PIWIL4: variants seen among roughly 807,000 people sequenced by gnomAD.
PIWIL4 encodes the protein piwi like RNA-mediated gene silencing 4.
Under a neutral mutation model 100.9 loss-of-function variants are expected in PIWIL4, and 50 were observed. That is an observed-to-expected ratio of 0.50 (90% confidence interval 0.39 to 0.63). PIWIL4 has a LOEUF of 0.63. Among genes scored for constraint, PIWIL4 ranks in the 20% least tolerant of loss-of-function variants. The pLI is 0.00. For synonymous variants in PIWIL4, 342 were observed against 367.5 expected (o/e 0.93, Z 0.79); for missense variants, 887 against 1,043.3 (o/e 0.85, Z 2.06).
intron 15 of PIWIL4, among the ~76,000 whole-genome samples, chr11:94,614,451 G>T (rs1948823396): frequency 6.6e-6 from 1 of 151,876 alleles, no homozygotes; most frequent in African/African-American, 2.4e-5. Context: ...GGCATTACAG[G>T]TGCCTGCCAC....
intron 11 of PIWIL4, 99 bp from the exon 12 acceptor site, chr11:94,601,696 A>C: frequency 8.7e-7 from 1 of 1,146,310 alleles, no homozygotes; most frequent in Non-Finnish European, 1.3e-6. Context: ...AAACTGTGTT[A>C]AACAGTTATA....
intron 3 of PIWIL4, among the ~76,000 whole-genome samples, chr11:94,577,054 C>G (rs1948247158): frequency 6.6e-6 from 1 of 152,184 alleles, no homozygotes; most frequent in African/African-American, 2.4e-5. Flanking sequence ...ATGTCAGTGT[C>G]TGCTCGTATG....
chr11:94,587,080 T>C lies in PIWIL4; in HGVS notation c.747T>C (p.Ser249=). ...KLSLWPGFAI[S]VSYFERKLLF... The stretch of plus-strand genomic sequence containing the variant: ...CCCTTTGGCCTGGGTTTGCCATTTC[T>C]GTGTCATATTTTGAAAGGAAGCTCC... The change falls in exon 7 of 20, where the codon TCT becomes TCC. Residue 249 remains serine (S), a synonymous_variant. Coordinates refer to ENST00000299001, the MANE Select transcript of PIWIL4 (RefSeq NM_152431.3). 6.2e-7 allele frequency: 1 copy of C among 1,613,782 alleles called. No individual in the cohort carries two copies. The highest frequency in any genetic ancestry group is 1.1e-5 in the South Asian group (1 of 91,080).
chr11:94,567,644 C>A, intron 1 of PIWIL4, 39 bp downstream of exon 1: 1 of 1,538,002 alleles, frequency 6.5e-7, no homozygotes, highest in East Asian at 2.3e-5. Flanking sequence ...TCGTTTTCTC[C>A]TACCTCTGTC....
intron 8 of PIWIL4, 31 bp from the exon 9 acceptor site, chr11:94,593,487 A>C: frequency 6.2e-7 from 1 of 1,603,064 alleles, no homozygotes; most frequent in Non-Finnish European, 8.5e-7. Flanking sequence ...TTCCATGTTA[A>C]CTTTTTACTT....
At chr11:94,593,398 C>T (rs1011485605) in intron 8 of PIWIL4, 120 bp from the exon 9 acceptor site, 1 of 966,372 alleles carries the variant, frequency 1.0e-6, no homozygotes, top group African/African-American at 1.6e-5. Context: ...AAGTAGGTAA[C>T]TATGGGATTG....
At chr11:94,597,974 G>T in intron 11 of PIWIL4, 59 bp downstream of exon 11, 4 of 1,344,136 alleles carry the variant, frequency 3.0e-6, no homozygotes, top group Admixed American at 1.7e-5. Flanking sequence ...TGTAAGTTTT[G>T]TGCATTGGCC....
intron 16 of PIWIL4, among the ~76,000 whole-genome samples, chr11:94,617,550 C>G (rs902613390): frequency 1.3e-5 from 2 of 152,044 alleles, no homozygotes; most frequent in African/African-American, 4.8e-5. Flanking sequence ...CTTAGATTTT[C>G]ATATTTATTC....
chr11:94,593,081 T>C (rs1402377482), intron 8 of PIWIL4, among the ~76,000 whole-genome samples: 2 of 152,206 alleles, frequency 1.3e-5, no homozygotes, highest in Non-Finnish European at 2.9e-5. Context: ...TCTGAGATTG[T>C]CTCAATATAA....
intron 3 of PIWIL4, among the ~76,000 whole-genome samples, chr11:94,575,861 T>G (rs1948229288): frequency 6.6e-6 from 1 of 152,228 alleles, no homozygotes. Flanking sequence ...GAAGGGTCTT[T>G]CCGGCTCTGA....
chr11:94,571,693 C>T (rs897646916), intron 2 of PIWIL4, among the ~76,000 whole-genome samples: 1 of 152,160 alleles, frequency 6.6e-6, no homozygotes, highest in Admixed American at 6.5e-5. Context: ...CATTGTTGGA[C>T]ATTTGGGTTG....
rs1032891459 is a variant in PIWIL4 at position 94,620,059 on chromosome 11, A to C, written c.2357A>C (p.Asn786Thr). The change falls in exon 19 of 20, where the codon AAT (asparagine) becomes ACT (threonine). Residue 786 changes from asparagine to threonine, a missense_variant. This residue lies in a region of PIWIL4 where 741 missense variants were observed against 930.0 expected (regional missense o/e 0.80). Coordinates refer to ENST00000299001, the MANE Select transcript of PIWIL4 (RefSeq NM_152431.3). ...GGAACTGTTAGTCCTACCTACTATA[A>C]TGTCATCTATGATGACAACGGCTTG... ...CRGTVSPTYY[N>T]VIYDDNGLKP... The C allele has an allele frequency of 1.9e-6, 3 of 1,613,676 alleles. No individual in the cohort carries two copies. The African/African-American group carries it at 4.0e-5, about 22-fold the overall frequency.
At chr11:94,618,371 GAC>G (rs992615259) in intron 17 of PIWIL4, among the ~76,000 whole-genome samples, 1 of 152,184 alleles carries the variant, frequency 6.6e-6, no homozygotes, top group African/African-American at 2.4e-5. Flanking sequence ...CAGAGCAGCT[GAC>G]ACAGATTCAG....
chr11:94,616,517 G>GAGA lies in PIWIL4; in HGVS notation c.1970_1972dup (p.Arg657dup). The GAGA allele has an allele frequency of 6.2e-7, 1 of 1,603,372 alleles. No individual in the cohort carries two copies. The highest frequency in any genetic ancestry group is 1.1e-5 in the South Asian group (1 of 87,594). ...GGTGGTTTTCCCGCTGTATCCTTCA[G>GAGA]AGAACAATGACTGATGTTGCAGATT... On this transcript the variant is annotated inframe_insertion, in exon 16 of 20. Transcript: ENST00000299001.
Position 94,585,541 on chromosome 11 carries a change from T to C in PIWIL4, c.716+16T>C, listed in dbSNP as rs1948386973. 1 of 1,563,640 alleles carries C rather than the reference T, an allele frequency of 6.4e-7. No individual in the cohort carries two copies. Among genetic ancestry groups the C allele is most frequent in the Non-Finnish European group, 8.8e-7 (1 of 1,141,960 alleles). ...CCCAGCACAAGTAGGTTTATTTATA[T>C]TTTCTGTTACTCCGAAATTATTATA... On this transcript the variant is annotated intron_variant, in intron 6 of 19. Coordinates refer to ENST00000299001, the MANE Select transcript of PIWIL4 (RefSeq NM_152431.3).
At chr11:94,608,444 G>T in intron 14 of PIWIL4, 139 bp from the exon 15 acceptor site, 1 of 638,998 alleles carries the variant, frequency 1.6e-6, no homozygotes, top group Non-Finnish European at 2.7e-6. Flanking sequence ...TCTGGCTCAC[G>T]GATCTCAATC....
At chr11:94,585,613 C>T in intron 6 of PIWIL4, 88 bp downstream of exon 6, 1 of 892,958 alleles carries the variant, frequency 1.1e-6, no homozygotes, top group South Asian at 2.0e-5. Context: ...ATTATGCCTC[C>T]TGTGAGAGAC....
intron 2 of PIWIL4, among the ~76,000 whole-genome samples, chr11:94,570,038 G>A (rs1948129502): frequency 6.6e-6 from 1 of 152,128 alleles, no homozygotes; most frequent in Admixed American, 6.5e-5. Flanking sequence ...GTAGAAACCT[G>A]GTATCTACCA....
At chr11:94,577,201 A>ATT in intron 3 of PIWIL4, 77 bp from the exon 4 acceptor site, 1 of 1,228,104 alleles carries the variant, frequency 8.1e-7, no homozygotes, top group South Asian at 1.4e-5. Flanking sequence ...AGGCAAATAC[A>ATT]TTTTTAAATG....
Sources: allele counts gnomAD v4.1 joint callset (sites outside exome capture counted in the v4.1 genomes callset), GRCh38; gene constraint gnomAD v4.1.1; regional missense constraint gnomAD v4.1.1; transcripts MANE v1.5; gene names NCBI Gene and HGNC (gene_info 2026-07-23, HGNC 2026-07-21).